SDK1: variants seen among roughly 807,000 people sequenced by gnomAD.
The protein encoded by SDK1 is protein sidekick-1.
SDK1 carries 157 observed loss-of-function variants against 245.5 expected under a neutral mutation model. The ratio of observed to expected loss-of-function variants is 0.64; its 90% CI spans 0.56 to 0.73. SDK1 has a LOEUF of 0.73. SDK1 is among the 30% of genes least tolerant of loss of function. The pLI, the probability that SDK1 is intolerant of heterozygous loss-of-function variation, is 0.00. For missense variants in SDK1, 3,583 were observed against 3,002.3 expected (o/e 1.19, Z -4.52); for synonymous variants, 1,647 against 1,278.5 (o/e 1.29, Z -6.15).
intron 1 of SDK1, among the ~76,000 whole-genome samples, chr7:3,405,894 C>A (rs1207021934): frequency 6.7e-6 from 1 of 148,752 alleles, no homozygotes; most frequent in Non-Finnish European, 1.5e-5. Flanking sequence ...CTCACTGCAA[C>A]CTCTGCCTCC....
At chr7:4,226,906 T>C (rs930249522) in intron 40 of SDK1, among the ~76,000 whole-genome samples, 1 of 152,054 alleles carries the variant, frequency 6.6e-6, no homozygotes, top group African/African-American at 2.4e-5. Context: ...ATATTTAGAA[T>C]GTGCCCAATG....
chr7:3,650,046 A>G (rs1362863552), intron 4 of SDK1, among the ~76,000 whole-genome samples: 1 of 142,684 alleles, frequency 7.0e-6, no homozygotes, highest in African/African-American at 2.5e-5. Context: ...AAATTGTGGT[A>G]AAACATAGTT....
At chr7:3,597,002 G>T (rs1781088708) in intron 1 of SDK1, among the ~76,000 whole-genome samples, 1 of 152,172 alleles carries the variant, frequency 6.6e-6, no homozygotes, top group Admixed American at 6.5e-5. Flanking sequence ...TGAGCGAGGT[G>T]ACTCACACCT....
chr7:3,318,391 G>T (rs1343008421), intron 1 of SDK1, among the ~76,000 whole-genome samples: 1 of 152,216 alleles, frequency 6.6e-6, no homozygotes, highest in Non-Finnish European at 1.5e-5. Context: ...TTGTAAAGCA[G>T]AGTTAATCTC....
chr7:3,568,691 C>G (rs769446959), intron 1 of SDK1, among the ~76,000 whole-genome samples: 1 of 152,324 alleles, frequency 6.6e-6, no homozygotes, highest in Non-Finnish European at 1.5e-5. Flanking sequence ...TAATTTATGA[C>G]TCTTTCTGTG....
intron 4 of SDK1, among the ~76,000 whole-genome samples, chr7:3,669,567 T>C (rs1783632875): frequency 6.6e-6 from 1 of 152,192 alleles, no homozygotes; most frequent in Non-Finnish European, 1.5e-5. Flanking sequence ...TCTCTTCTTC[T>C]TAGACCTCTT....
intron 22 of SDK1, among the ~76,000 whole-genome samples, chr7:4,081,128 T>C (rs7802758): frequency 0.039 from 6,011 of 152,258 alleles, 363 homozygotes; most frequent in African/African-American, 0.13. Context: ...GGCTTTAGAA[T>C]GTGGTGTTAC....
intron 14 of SDK1, among the ~76,000 whole-genome samples, chr7:4,000,987 C>A (rs902302898): frequency 6.6e-6 from 1 of 152,186 alleles, no homozygotes; most frequent in African/African-American, 2.4e-5. Context: ...TTCCTGTTAG[C>A]TTCCTGCCCT....
At chr7:3,631,245 C>G (rs545004594) in intron 2 of SDK1, among the ~76,000 whole-genome samples, 5 of 152,252 alleles carry the variant, frequency 3.3e-5, no homozygotes, top group Admixed American at 2.0e-4. Flanking sequence ...CTAATGCTTT[C>G]TGTTTTATTT....
At chr7:3,865,431 T>C (rs189672139) in intron 5 of SDK1, among the ~76,000 whole-genome samples, 146 of 152,340 alleles carry the variant, frequency 9.6e-4, no homozygotes, top group Non-Finnish European at 1.7e-3. Flanking sequence ...TTTACAAATA[T>C]GTATGCTTTG....
intron 1 of SDK1, among the ~76,000 whole-genome samples, chr7:3,353,311 G>T (rs1032992742): frequency 2.0e-5 from 3 of 152,042 alleles, no homozygotes; most frequent in Non-Finnish European, 4.4e-5. Flanking sequence ...CATCTTGGGG[G>T]TTATTTTGAA....
intron 1 of SDK1, among the ~76,000 whole-genome samples, chr7:3,566,337 G>A (rs1261610789): frequency 3.3e-5 from 5 of 149,534 alleles, no homozygotes; most frequent in Admixed American, 2.0e-4. Flanking sequence ...CCATTCTCCT[G>A]CCTCAGCCTC....
intron 17 of SDK1, among the ~76,000 whole-genome samples, chr7:4,034,144 C>G (rs1788045238): frequency 6.6e-6 from 1 of 152,188 alleles, no homozygotes; most frequent in South Asian, 2.1e-4. Flanking sequence ...AAAGAAACAT[C>G]AGATGGACTC....
chr7:3,868,299 A>G (rs1562501663), intron 5 of SDK1, among the ~76,000 whole-genome samples: 1 of 152,232 alleles, frequency 6.6e-6, no homozygotes, highest in Non-Finnish European at 1.5e-5. Context: ...TGATTGGTAC[A>G]TGAGCTGGGA....
chr7:3,311,782 C>T (rs73044797), intron 1 of SDK1, among the ~76,000 whole-genome samples: 28,328 of 152,000 alleles, frequency 0.19, 2,641 homozygotes, highest in African/African-American at 0.23. Flanking sequence ...AACAAACAAG[C>T]GTTTCTGAAG....
At chr7:3,696,457 A>G (rs1784573940) in intron 4 of SDK1, among the ~76,000 whole-genome samples, 1 of 151,482 alleles carries the variant, frequency 6.6e-6, no homozygotes, top group African/African-American at 2.4e-5. Context: ...AGGCATGAAA[A>G]CTCCTCCCTC....
At chr7:4,210,654 G>A (rs1485069809) in intron 38 of SDK1, among the ~76,000 whole-genome samples, 1 of 152,142 alleles carries the variant, frequency 6.6e-6, no homozygotes, top group Non-Finnish European at 1.5e-5. Flanking sequence ...TCCCCTCAGC[G>A]GACATCTATG....
intron 4 of SDK1, among the ~76,000 whole-genome samples, chr7:3,730,582 A>C (rs777493674): frequency 6.6e-6 from 1 of 152,178 alleles, no homozygotes; most frequent in Non-Finnish European, 1.5e-5. Context: ...TCCTGGCAGC[A>C]GGACTGAGAG....
At chr7:3,924,163 G>T (rs1336000154) in intron 5 of SDK1, among the ~76,000 whole-genome samples, 1 of 151,978 alleles carries the variant, frequency 6.6e-6, no homozygotes, top group African/African-American at 2.4e-5. Flanking sequence ...CCATCCAGGT[G>T]GGGATGAGGA....
Sources: allele counts gnomAD v4.1 joint callset (sites outside exome capture counted in the v4.1 genomes callset), GRCh38; gene constraint gnomAD v4.1.1; transcripts MANE v1.5; gene names NCBI Gene and HGNC (gene_info 2026-07-23, HGNC 2026-07-21).